LSAMP: variants seen among roughly 807,000 people sequenced by gnomAD.
LSAMP encodes limbic system associated membrane protein.
LSAMP carries 7 observed loss-of-function variants against 38.6 expected under a neutral mutation model. That is an observed-to-expected ratio of 0.18 (90% CI 0.10 to 0.34). LSAMP has a LOEUF of 0.34. LSAMP is among the 10% of genes least tolerant of loss of function. The probability of loss-of-function intolerance (pLI) is 1.00; values close to 1 mark genes in which losing one functional copy is unlikely to be tolerated. For synonymous variants in LSAMP, 154 were observed against 166.8 expected, an observed-to-expected ratio of 0.92 and a Z score of 0.59; for missense variants, 313 against 420.0, an observed-to-expected ratio of 0.75 and a Z score of 2.23.
chr3:116,065,259 G>A (rs1217864990), intron 2 of LSAMP, among the ~76,000 whole-genome samples: 2 of 152,278 alleles, frequency 1.3e-5, no homozygotes, highest in East Asian at 1.9e-4. Context: ...TATGCCAAGT[G>A]AAATAAGAAG....
chr3:116,248,773 G>A (rs1443412162), intron 1 of LSAMP, among the ~76,000 whole-genome samples: 1 of 152,022 alleles, frequency 6.6e-6, no homozygotes, highest in African/African-American at 2.4e-5. Flanking sequence ...GTGTACATAT[G>A]TAGGCATGAG....
intron 1 of LSAMP, among the ~76,000 whole-genome samples, chr3:116,293,007 C>T (rs111897878): frequency 0.024 from 3,629 of 152,302 alleles, 65 homozygotes; most frequent in Middle Eastern, 0.051. Flanking sequence ...CTATTTATTT[C>T]CTTTCCATGT....
chr3:116,428,192 T>C (rs1036952874), intron 1 of LSAMP, among the ~76,000 whole-genome samples: 41 of 152,260 alleles, frequency 2.7e-4, no homozygotes, highest in African/African-American at 9.1e-4. Context: ...TGTCTGCAAA[T>C]TTCTTTATTA....
At chr3:116,050,068 C>G (rs1941365574) in intron 2 of LSAMP, among the ~76,000 whole-genome samples, 1 of 152,168 alleles carries the variant, frequency 6.6e-6, no homozygotes, top group Admixed American at 6.5e-5. Context: ...ATCCTTGTCT[C>G]TGGCTTCCAA....
intron 2 of LSAMP, among the ~76,000 whole-genome samples, chr3:116,052,400 T>G (rs1038137148): frequency 3.9e-5 from 6 of 152,188 alleles, no homozygotes; most frequent in African/African-American, 1.4e-4. Flanking sequence ...TCCCCTTTAT[T>G]CTATTAAATC....
At chr3:116,379,635 G>GT (rs2107800016) in intron 1 of LSAMP, among the ~76,000 whole-genome samples, 1 of 152,074 alleles carries the variant, frequency 6.6e-6, no homozygotes, top group Admixed American at 6.6e-5. Context: ...TGGGCCAACT[G>GT]TAAATAGTAT....
chr3:116,113,372 G>A (rs989371710), intron 1 of LSAMP, among the ~76,000 whole-genome samples: 2 of 136,102 alleles, frequency 1.5e-5, no homozygotes, highest in Non-Finnish European at 3.1e-5. Context: ...CGGTAGAGAA[G>A]TTTAGAAATT....
chr3:116,106,292 G>C (rs1291627678), intron 1 of LSAMP, among the ~76,000 whole-genome samples: 1 of 152,162 alleles, frequency 6.6e-6, no homozygotes, highest in Non-Finnish European at 1.5e-5. Context: ...GTGTAAACAA[G>C]AGCAGGGCAT....
intron 1 of LSAMP, among the ~76,000 whole-genome samples, chr3:116,302,910 T>G (rs77906517): frequency 9.7e-4 from 148 of 152,296 alleles, no homozygotes; most frequent in African/African-American, 3.2e-3. Flanking sequence ...AAGTTAGTCA[T>G]ATACATTTTT....
chr3:115,959,025 T>A (rs948861152), intron 3 of LSAMP, among the ~76,000 whole-genome samples: 3 of 152,130 alleles, frequency 2.0e-5, no homozygotes, highest in Non-Finnish European at 2.9e-5. Flanking sequence ...TCCTTCTCCT[T>A]CCTCAGCAAA....
intron 1 of LSAMP, among the ~76,000 whole-genome samples, chr3:116,390,130 T>TACACACAC (rs749911876): frequency 0.012 from 1,637 of 131,516 alleles, 16 homozygotes; most frequent in South Asian, 0.034. Context: ...TGTATGTATG[T>TACACACAC]ATACACACAC....
intron 1 of LSAMP, among the ~76,000 whole-genome samples, chr3:116,406,951 C>T (rs1188857388): frequency 3.3e-5 from 5 of 152,030 alleles, no homozygotes; most frequent in Admixed American, 2.6e-4. Flanking sequence ...ATAAAAAAGA[C>T]AAGTGATGGC....
intron 1 of LSAMP, among the ~76,000 whole-genome samples, chr3:116,189,004 C>T (rs572430305): frequency 5.3e-5 from 8 of 152,178 alleles, no homozygotes; most frequent in Non-Finnish European, 2.9e-5. Context: ...TACTACAAGT[C>T]AACTTTATTC....
intron 1 of LSAMP, among the ~76,000 whole-genome samples, chr3:116,097,977 C>T (rs951110745): frequency 1.2e-4 from 19 of 152,142 alleles, no homozygotes; most frequent in African/African-American, 4.3e-4. Context: ...TCAGGTGATC[C>T]ACCCACCTTG....
At chr3:116,246,432 TTAAA>T (rs1221050997) in intron 1 of LSAMP, among the ~76,000 whole-genome samples, 1 of 152,200 alleles carries the variant, frequency 6.6e-6, no homozygotes, top group African/African-American at 2.4e-5. Flanking sequence ...TCCACAATGC[TTAAA>T]TACATGTGAT....
At chr3:115,899,042 A>G (rs1936802946) in intron 3 of LSAMP, among the ~76,000 whole-genome samples, 1 of 152,120 alleles carries the variant, frequency 6.6e-6, no homozygotes, top group South Asian at 2.1e-4. Flanking sequence ...AGTATCCAGA[A>G]CTCAAAGGAG....
At chr3:116,338,480 G>A (rs2047950792) in intron 1 of LSAMP, among the ~76,000 whole-genome samples, 1 of 151,916 alleles carries the variant, frequency 6.6e-6, no homozygotes, top group Non-Finnish European at 1.5e-5. Context: ...TCTTGATGTG[G>A]AGATGAATCT....
chr3:116,163,572 A>G, intron 1 of LSAMP, among the ~76,000 whole-genome samples: 1 of 151,930 alleles, frequency 6.6e-6, no homozygotes, highest in Non-Finnish European at 1.5e-5. Context: ...ATGATTTATA[A>G]TCCTTTGGGG....
intron 1 of LSAMP, among the ~76,000 whole-genome samples, chr3:116,128,135 T>A (rs972336037): frequency 6.6e-6 from 1 of 152,218 alleles, no homozygotes; most frequent in African/African-American, 2.4e-5. Context: ...TTTCCATGTC[T>A]TAGGAAATGT....
Sources: gnomAD v4.1 joint callset for allele counts (sites outside exome capture counted in the v4.1 genomes callset) on GRCh38, gnomAD v4.1.1 for gene constraint, MANE v1.5 for transcripts, NCBI Gene and HGNC (gene_info 2026-07-23, HGNC 2026-07-21) for gene names.